Variants in FOXP1 observed in about 807,000 individuals in gnomAD.
FOXP1 encodes the protein forkhead box P1, also known as forkhead box protein P1.
A neutral mutation model predicts 98.2 loss-of-function variants in FOXP1; 15 were observed. The observed-to-expected ratio is 0.15, with a 90% CI of 0.10 to 0.24. FOXP1 has a LOEUF of 0.24. FOXP1 is among the 10% of genes least tolerant of loss of function. The pLI is 1.00. For missense variants in FOXP1, 633 were observed against 848.5 expected, an observed-to-expected ratio of 0.75 and a Z score of 3.15; for synonymous variants, 371 against 314.5, an observed-to-expected ratio of 1.18 and a Z score of -1.90.
intron 2 of FOXP1, among the ~76,000 whole-genome samples, chr3:71,576,534 T>C (rs1383412847): frequency 6.6e-6 from 1 of 152,214 alleles, no homozygotes; most frequent in East Asian, 1.9e-4. Context: ...CCAGATACTT[T>C]AATATAATTT....
At chr3:70,990,881 G>A (rs1286804837) in intron 13 of FOXP1, among the ~76,000 whole-genome samples, 2 of 152,132 alleles carry the variant, frequency 1.3e-5, no homozygotes, top group African/African-American at 2.4e-5. Context: ...TCAAATCCTG[G>A]CTCAGTGACT....
chr3:71,446,241 AT>A (rs1219707557), intron 3 of FOXP1, among the ~76,000 whole-genome samples: 1 of 151,934 alleles, frequency 6.6e-6, no homozygotes, highest in African/African-American at 2.4e-5. Context: ...GGCACCCTTG[AT>A]TTTTTTTAAT....
At chr3:71,091,476 C>T in intron 7 of FOXP1, among the ~76,000 whole-genome samples, 1 of 151,128 alleles carries the variant, frequency 6.6e-6, no homozygotes, top group Non-Finnish European at 1.5e-5. Flanking sequence ...GGTGACAGAG[C>T]AAGACTCCGT....
chr3:71,036,837 GA>G (rs2047665006), intron 11 of FOXP1, among the ~76,000 whole-genome samples: 1 of 152,150 alleles, frequency 6.6e-6, no homozygotes, highest in Non-Finnish European at 1.5e-5. Context: ...TAAACGCAGT[GA>G]TTTGCACACA....
chr3:71,345,415 C>T (rs900377630), intron 4 of FOXP1, among the ~76,000 whole-genome samples: 4,039 of 150,586 alleles, frequency 0.027, 168 homozygotes, highest in African/African-American at 0.07. Context: ...CACACACACA[C>T]ACACACACAC....
chr3:71,160,434 G>A (rs2061078486), intron 6 of FOXP1, among the ~76,000 whole-genome samples: 1 of 152,208 alleles, frequency 6.6e-6, no homozygotes, highest in African/African-American at 2.4e-5. Flanking sequence ...CTGTGGTCCT[G>A]AAAAGTGATC....
chr3:70,977,063 G>A (rs1464850538), intron 16 of FOXP1, 21 bp from the exon 17 acceptor site: 1 of 1,518,386 alleles, frequency 6.6e-7, no homozygotes, highest in Non-Finnish European at 9.1e-7. Flanking sequence ...GAATGTAACA[G>A]AAGATAATTT....
chr3:71,541,276 G>C (rs544660727), intron 2 of FOXP1, among the ~76,000 whole-genome samples: 1 of 152,192 alleles, frequency 6.6e-6, no homozygotes, highest in African/African-American at 2.4e-5. Flanking sequence ...AATAATATTT[G>C]GGCATATGTA....
intron 7 of FOXP1, among the ~76,000 whole-genome samples, chr3:71,089,289 A>G (rs1319332207): frequency 6.6e-6 from 1 of 152,194 alleles, no homozygotes; most frequent in Non-Finnish European, 1.5e-5. Flanking sequence ...AGGGCACTGA[A>G]GTCACACTAT....
chr3:71,010,080 A>G (rs919524545), intron 12 of FOXP1, among the ~76,000 whole-genome samples: 27 of 151,896 alleles, frequency 1.8e-4, no homozygotes, highest in African/African-American at 6.3e-4. Context: ...AATTCTAACA[A>G]CCGTAAAAAG....
chr3:71,228,081 A>G (rs942855228), intron 5 of FOXP1, among the ~76,000 whole-genome samples: 2 of 151,964 alleles, frequency 1.3e-5, no homozygotes, highest in African/African-American at 4.8e-5. Context: ...TTATATTGCT[A>G]ATTTTGAATT....
intron 2 of FOXP1, among the ~76,000 whole-genome samples, chr3:71,550,897 T>A (rs898314017): frequency 2.0e-5 from 3 of 152,238 alleles, no homozygotes; most frequent in African/African-American, 7.2e-5. Flanking sequence ...CAGAAGGCAC[T>A]CTCTGCGGCT....
intron 7 of FOXP1, 125 bp from the exon 8 acceptor site, chr3:71,053,898 T>C: frequency 1.1e-6 from 1 of 941,452 alleles, no homozygotes; most frequent in South Asian, 1.4e-5. Context: ...AACATGTATT[T>C]ATCCAGAGGG....
chr3:71,349,651 A>T (rs111388890), intron 4 of FOXP1, among the ~76,000 whole-genome samples: 25,827 of 152,164 alleles, frequency 0.17, 2,579 homozygotes, highest in Admixed American at 0.3. Context: ...TAAAAAAAAA[A>T]ATTCCATCCA....
At chr3:71,540,517 T>C (rs180928230) in intron 2 of FOXP1, among the ~76,000 whole-genome samples, 266 of 152,358 alleles carry the variant, frequency 1.7e-3, no homozygotes, top group Admixed American at 3.5e-3. Context: ...ATTAAAATAA[T>C]AAACTTTCGT....
At chr3:71,354,738 A>G (rs151221983) in intron 4 of FOXP1, among the ~76,000 whole-genome samples, 89 of 152,344 alleles carry the variant, frequency 5.8e-4, no homozygotes, top group African/African-American at 2.0e-3. Flanking sequence ...GCCTTTGCTG[A>G]TACCCTTAAA....
intron 4 of FOXP1, among the ~76,000 whole-genome samples, chr3:71,309,909 G>A (rs1310565578): frequency 6.6e-6 from 1 of 151,976 alleles, no homozygotes; most frequent in Non-Finnish European, 1.5e-5. Flanking sequence ...TCAGACTTTA[G>A]ATGTGGACAT....
At chr3:71,498,710 T>A (rs1242669219) in intron 2 of FOXP1, among the ~76,000 whole-genome samples, 1 of 152,218 alleles carries the variant, frequency 6.6e-6, no homozygotes, top group East Asian at 1.9e-4. Context: ...CATCATATGC[T>A]GAGCCTCCAG....
At chr3:71,583,736 A>T, upstream of FOXP1, 13 of 985,332 alleles carry the variant, frequency 1.3e-5, no homozygotes, top group Non-Finnish European at 1.6e-5. Flanking sequence ...TACAGCGTGC[A>T]ACCGCCACAC....
Sources: allele counts gnomAD v4.1 joint callset (sites outside exome capture counted in the v4.1 genomes callset), GRCh38; gene constraint gnomAD v4.1.1; transcripts MANE v1.5; gene names NCBI Gene and HGNC (gene_info 2026-07-23, HGNC 2026-07-21).